PRELID2: variants seen among roughly 807,000 people sequenced by gnomAD.
The protein encoded by PRELID2 is PRELI domain-containing protein 2.
Under a neutral mutation model 28.4 loss-of-function variants are expected in PRELID2, and 25 were observed. The ratio of observed to expected loss-of-function variants is 0.88; its 90% CI spans 0.64 to 1.23. The LOEUF (loss-of-function observed/expected upper bound fraction) is 1.23. PRELID2 is among the 50% of genes most tolerant of loss of function. PRELID2 has a pLI of 0.00. For synonymous variants in PRELID2, 76 were observed against 71.6 expected, an observed-to-expected ratio of 1.06 and a Z score of -0.31; for missense variants, 201 against 214.4, an observed-to-expected ratio of 0.94 and a Z score of 0.39.
At chr5:145,544,276 T>A (rs893442972) in intron 1 of PRELID2, among the ~76,000 whole-genome samples, 7 of 152,082 alleles carry the variant, frequency 4.6e-5, no homozygotes, top group African/African-American at 1.7e-4. Context: ...ACTATCATAA[T>A]TCTATCATAA....
chr5:145,812,512 T>C (rs1420642587), intron 4 of PRELID2, among the ~76,000 whole-genome samples: 1 of 152,142 alleles, frequency 6.6e-6, no homozygotes, highest in Non-Finnish European at 1.5e-5. Flanking sequence ...AGATAATAGT[T>C]CCAACCTCAC....
chr5:145,574,658 T>C (rs532858469), intron 1 of PRELID2, among the ~76,000 whole-genome samples: 53 of 152,314 alleles, frequency 3.5e-4, no homozygotes, highest in African/African-American at 1.2e-3. Context: ...CCTAGTGCCA[T>C]CATGCTATAC....
the PRELID2 span, among the ~76,000 whole-genome samples, chr5:145,426,778 G>C: frequency 6.6e-6 from 1 of 152,168 alleles, no homozygotes; most frequent in Non-Finnish European, 1.5e-5. Flanking sequence ...GTTGATTCCA[G>C]AGCTGCAAGT....
chr5:145,770,379 T>G lies in PRELID2; in HGVS notation c.475-5379A>C, dbSNP rs140624695. Among the ~76,000 whole-genome samples, 95 of 152,094 alleles carry G rather than the reference T, an allele frequency of 6.2e-4. No individual in the cohort carries two copies. In the East Asian group the frequency reaches 0.016, roughly 26 times the overall value. On this transcript the variant is annotated intron_variant, in intron 5 of 6. Coordinates refer to ENST00000683046, the MANE Select transcript of PRELID2 (RefSeq NM_205846.3). Reference sequence around the variant, plus strand: ...AAAAAAAAAAAATTTAATTAGCCAGTTGCAGTGACATGAGCCTGTAGTCTT... The same window carrying G: ...AAAAAAAAAAAATTTAATTAGCCAGGTGCAGTGACATGAGCCTGTAGTCTT...
At chr5:145,582,824 A>C (rs1014892148) in intron 1 of PRELID2, among the ~76,000 whole-genome samples, 17 of 152,036 alleles carry the variant, frequency 1.1e-4, no homozygotes, top group African/African-American at 4.1e-4. Context: ...AACCAAAAAA[A>C]CCCCAGGACC....
intron 1 of PRELID2, among the ~76,000 whole-genome samples, chr5:145,604,907 T>TATATATATATA (rs1753479562): frequency 8.6e-6 from 1 of 116,262 alleles, no homozygotes; most frequent in African/African-American, 4.5e-5. Flanking sequence ...ATATATATTC[T>TATATATATATA]ATTGAATTAT....
chr5:145,299,644 C>CGTATGTGTGTGTGT, the PRELID2 span, among the ~76,000 whole-genome samples: 1 of 109,308 alleles, frequency 9.1e-6, no homozygotes, highest in African/African-American at 2.8e-5. Context: ...TATGTGTGTG[C>CGTATGTGTGTGTGT]GTGTGTGTGT....
At chr5:145,790,924 G>A (rs1752346857) in intron 5 of PRELID2, among the ~76,000 whole-genome samples, 2 of 142,276 alleles carry the variant, frequency 1.4e-5, no homozygotes, top group South Asian at 4.4e-4. Context: ...AAAAAGAATT[G>A]GAAGCAGGGA....
At chr5:145,433,707 C>G in the PRELID2 span, among the ~76,000 whole-genome samples, 3 of 152,096 alleles carry the variant, frequency 2.0e-5, no homozygotes, top group Non-Finnish European at 2.9e-5. Context: ...CCAGCATCCT[C>G]CCCTCAAAGG....
the PRELID2 span, among the ~76,000 whole-genome samples, chr5:145,285,900 C>T: frequency 6.6e-6 from 1 of 152,204 alleles, no homozygotes; most frequent in Non-Finnish European, 1.5e-5. Context: ...AATGGCTCCA[C>T]TCTACAGATC....
At chr5:145,489,820 TCA>T (rs1178939759) in intron 1 of PRELID2, among the ~76,000 whole-genome samples, 3 of 152,328 alleles carry the variant, frequency 2.0e-5, no homozygotes, top group Middle Eastern at 3.4e-3. Flanking sequence ...GAATTATGCC[TCA>T]GACTTTGCTC....
In PRELID2 at chr5:145,740,849, T is replaced by C. The variant is rs1202950711; in HGVS notation, n.70+24082A>G. 1.0e-3 allele frequency among the ~76,000 whole-genome samples: 42 copies of C among 40,326 alleles called. 8 individuals carry two copies. The highest frequency in any genetic ancestry group is 2.9e-3 in the African/African-American group (38 of 12,900). The allele number at this position is 40,326 out of a possible 152,430, so 26.5% of individuals were successfully genotyped here. A position where few individuals can be genotyped will look rare whatever the true frequency, so the allele number is the denominator to read the frequency against. The stretch of plus-strand genomic sequence containing the variant: ...ACAAATATATATTTATCGATAAATA[T>C]ATATGTACATATATTTATCGATAAA... On this transcript the variant is annotated intron_variant and non_coding_transcript_variant, in intron 1 of 2. Coordinates refer to the PRELID2 transcript ENST00000510259.
intron 1 of PRELID2, among the ~76,000 whole-genome samples, chr5:145,733,306 C>A (rs752032501): frequency 5.3e-5 from 8 of 151,872 alleles, no homozygotes; most frequent in Admixed American, 1.3e-4. Flanking sequence ...CCACCTAACA[C>A]GTGAAGAATC....
chr5:145,507,797 A>T (rs2126638561), intron 1 of PRELID2, among the ~76,000 whole-genome samples: 1 of 152,324 alleles, frequency 6.6e-6, no homozygotes, highest in Middle Eastern at 3.4e-3. Flanking sequence ...TTTTGGAGAC[A>T]TGGAGCCAGA....
the PRELID2 span, among the ~76,000 whole-genome samples, chr5:145,352,996 C>T: frequency 1.4e-4 from 22 of 152,224 alleles, no homozygotes; most frequent in African/African-American, 2.6e-4. Context: ...TAGGAAGTTC[C>T]AAACTTTCCC....
intron 4 of PRELID2, among the ~76,000 whole-genome samples, chr5:145,809,036 C>CTTTTTTTTTT (rs372516210): frequency 1.9e-5 from 2 of 105,832 alleles, no homozygotes; most frequent in African/African-American, 3.6e-5. Flanking sequence ...TTTTTTTTTG[C>CTTTTTTTTTT]TTTTTTTTTT....
At chr5:145,492,161 C>CA (rs1233986746) in intron 1 of PRELID2, among the ~76,000 whole-genome samples, 1 of 152,160 alleles carries the variant, frequency 6.6e-6, no homozygotes, top group African/African-American at 2.4e-5. Flanking sequence ...CAACAGTGTG[C>CA]AAGGGTTTCC....
At chr5:145,309,823 C>A in the PRELID2 span, among the ~76,000 whole-genome samples, 1 of 152,236 alleles carries the variant, frequency 6.6e-6, no homozygotes, top group African/African-American at 2.4e-5. Flanking sequence ...AACACCCACA[C>A]CTTAACCATG....
the PRELID2 span, among the ~76,000 whole-genome samples, chr5:145,315,867 T>C: frequency 2.0e-5 from 3 of 152,320 alleles, no homozygotes; most frequent in East Asian, 5.8e-4. Context: ...GAACATTAAG[T>C]TGTACATCTT....
Sources: gnomAD v4.1 joint callset for allele counts (sites outside exome capture counted in the v4.1 genomes callset) on GRCh38, gnomAD v4.1.1 for gene constraint, MANE v1.5 for transcripts, NCBI Gene and HGNC (gene_info 2026-07-23, HGNC 2026-07-21) for gene names.